The following RERE variants were observed in gnomAD, a reference collection of about 807,000 sequenced individuals.
The protein encoded by RERE is arginine-glutamic acid dipeptide repeats.
In RERE, 40 loss-of-function variants were observed where a neutral mutation model predicts 146.1. The observed-to-expected ratio is 0.27, with a 90% CI of 0.21 to 0.36. The LOEUF (loss-of-function observed/expected upper bound fraction) is 0.36, where lower values mean the gene tolerates loss of function less well. RERE is among the 10% of genes least tolerant of loss of function. The probability of loss-of-function intolerance (pLI) is 1.00; values close to 1 mark genes in which losing one functional copy is unlikely to be tolerated. For synonymous variants in RERE, 1,003 were observed against 866.0 expected, an observed-to-expected ratio of 1.16 and a Z score of -2.78; for missense variants, 1,933 against 2,138.7, an observed-to-expected ratio of 0.90 and a Z score of 1.90.
At chr1:8,395,253 A>C (rs1444137676) in intron 12 of RERE, among the ~76,000 whole-genome samples, 2 of 152,116 alleles carry the variant, frequency 1.3e-5, no homozygotes, top group African/African-American at 4.8e-5. Flanking sequence ...AGGCGGGTGG[A>C]TCACAAGGTC....
chr1:8,520,410 G>T (rs1645476945), intron 7 of RERE, among the ~76,000 whole-genome samples: 1 of 151,958 alleles, frequency 6.6e-6, no homozygotes, highest in Non-Finnish European at 1.5e-5. Context: ...ATTGCCTGAA[G>T]AATAATAAGA....
In RERE at chr1:8,523,214, A is replaced by G. The variant is rs920126187; in HGVS notation, c.831-14539T>C. ...TATCTCAAAAAGAAAAAGAAAAAAA[A>G]GTGACATGTCAATTAAACACAATCA... On this transcript the variant is annotated intron_variant, in intron 7 of 22. Coordinates refer to ENST00000400908, the MANE Select transcript of RERE (RefSeq NM_001042681.2). 3.9e-5 allele frequency among the ~76,000 whole-genome samples: 6 copies of G among 152,186 alleles called. No homozygotes were observed. In the East Asian group the frequency reaches 1.2e-3, roughly 29 times the overall value.
chr1:8,647,641 ATG>A (rs1553127411), intron 2 of RERE, among the ~76,000 whole-genome samples: 22,282 of 148,320 alleles, frequency 0.15, 1,879 homozygotes, highest in Middle Eastern at 0.23. Context: ...TAAAATATGT[ATG>A]TGTGTGTGTG....
At chr1:8,355,660 CGGCACA>C (rs1280248016) in intron 21 of RERE, 61 bp from the exon 22 acceptor site, 4 of 1,427,596 alleles carry the variant, frequency 2.8e-6, no homozygotes, top group Non-Finnish European at 3.8e-6. Flanking sequence ...AAGACCAGGG[CGGCACA>C]GGCACAGCAA....
At chr1:8,459,444 A>T (rs1644498246) in intron 11 of RERE, among the ~76,000 whole-genome samples, 1 of 152,212 alleles carries the variant, frequency 6.6e-6, no homozygotes, top group African/African-American at 2.4e-5. Flanking sequence ...ACTGTGATTC[A>T]ATTTAAAATG....
intron 4 of RERE, among the ~76,000 whole-genome samples, chr1:8,591,818 T>C (rs917153893): frequency 2.0e-5 from 3 of 152,252 alleles, no homozygotes; most frequent in East Asian, 1.9e-4. Context: ...ACTGCTTTCT[T>C]GTGAAACACA....
intron 7 of RERE, among the ~76,000 whole-genome samples, chr1:8,538,821 A>T (rs1324482499): frequency 1.3e-5 from 2 of 152,194 alleles, no homozygotes; most frequent in Non-Finnish European, 2.9e-5. Context: ...CAGGATGCAG[A>T]TCCTGTAAGT....
At chr1:8,615,272 G>C (rs1646839431) in intron 3 of RERE, among the ~76,000 whole-genome samples, 2 of 152,194 alleles carry the variant, frequency 1.3e-5, no homozygotes, top group African/African-American at 4.8e-5. Context: ...ATATTCACAT[G>C]AGTTATAATT....
At chr1:8,461,603 C>T (rs1644527590) in intron 11 of RERE, among the ~76,000 whole-genome samples, 1 of 152,058 alleles carries the variant, frequency 6.6e-6, no homozygotes, top group African/African-American at 2.4e-5. Flanking sequence ...GTGTCTCAGC[C>T]CCAAAGCAAC....
chr1:8,548,106 T>A (rs1645888595), intron 6 of RERE, among the ~76,000 whole-genome samples: 1 of 152,168 alleles, frequency 6.6e-6, no homozygotes, highest in African/African-American at 2.4e-5. Flanking sequence ...AAAGACCATC[T>A]ACAGTATTCT....
chr1:8,702,111 G>C (rs1639465570), intron 1 of RERE, among the ~76,000 whole-genome samples: 1 of 150,634 alleles, frequency 6.6e-6, no homozygotes, highest in Non-Finnish European at 1.5e-5. Context: ...AGTAATTTTG[G>C]CACAGAATTG....
chr1:8,617,960 C>G (rs1646874037), intron 3 of RERE, among the ~76,000 whole-genome samples: 1 of 151,970 alleles, frequency 6.6e-6, no homozygotes, highest in African/African-American at 2.4e-5. Flanking sequence ...GAGTAGACTT[C>G]TTTGGCTTGT....
intron 1 of RERE, among the ~76,000 whole-genome samples, chr1:8,787,418 G>C (rs539332812): frequency 6.6e-6 from 1 of 152,162 alleles, no homozygotes; most frequent in South Asian, 2.1e-4. Flanking sequence ...ATCTGAGTCA[G>C]AACTGAAGCA....
At chr1:8,536,778 C>T (rs1172037197) in intron 7 of RERE, among the ~76,000 whole-genome samples, 6 of 152,320 alleles carry the variant, frequency 3.9e-5, no homozygotes, top group Non-Finnish European at 8.8e-5. Flanking sequence ...ACTCCAAAAG[C>T]AAAGCCCAAT....
intron 10 of RERE, among the ~76,000 whole-genome samples, chr1:8,470,460 G>A (rs919360019): frequency 5.3e-5 from 8 of 151,732 alleles, no homozygotes; most frequent in South Asian, 2.1e-4. Context: ...ATGGGGTTTC[G>A]CCAAGTTGGC....
rs1315558849 is a variant in RERE at position 8,355,413 on chromosome 1, C to G, written c.4667+6G>C. The G allele has an allele frequency of 1.9e-6, 3 of 1,612,246 alleles. No individual in the cohort carries two copies. The highest frequency in any genetic ancestry group is 2.5e-6 in the Non-Finnish European group (3 of 1,179,890). ...CCCTCCACTCCCTCCCAGCACCCCA[C>G]CTCACCTGTAATAATCTTCCTGACT... On this transcript the variant is annotated splice_donor_region_variant and intron_variant, in intron 22 of 22. Transcript: ENST00000400908.
chr1:8,359,505 T>C (rs1434632024), intron 19 of RERE, among the ~76,000 whole-genome samples: 3 of 152,206 alleles, frequency 2.0e-5, no homozygotes, highest in Non-Finnish European at 4.4e-5. Context: ...GACAGGCCCT[T>C]TCCTCGAAGG....
intron 12 of RERE, among the ~76,000 whole-genome samples, chr1:8,376,971 A>G (rs1642278913): frequency 6.6e-6 from 1 of 152,256 alleles, no homozygotes; most frequent in Non-Finnish European, 1.5e-5. Flanking sequence ...CAAGCAATAG[A>G]TAACTATTGG....
At chr1:8,594,350 G>A (rs1050331955) in intron 4 of RERE, among the ~76,000 whole-genome samples, 1 of 152,134 alleles carries the variant, frequency 6.6e-6, no homozygotes, top group African/African-American at 2.4e-5. Context: ...AATGATCAGA[G>A]GTGTGTACTT....
Sources: gnomAD v4.1 joint callset for allele counts (sites outside exome capture counted in the v4.1 genomes callset) on GRCh38, gnomAD v4.1.1 for gene constraint, MANE v1.5 for transcripts, NCBI Gene and HGNC (gene_info 2026-07-23, HGNC 2026-07-21) for gene names.